GPKOW: variants seen among roughly 807,000 people sequenced by gnomAD.
The protein encoded by GPKOW is G-patch domain and KOW motifs.
For missense variants in GPKOW, 359 were observed against 404.7 expected, an observed-to-expected ratio of 0.89 and a Z score of 0.97; for synonymous variants, 167 against 159.1, an observed-to-expected ratio of 1.05 and a Z score of -0.37.
rs781802883 is a variant in GPKOW, at chrX:49,114,431, G to A, written c.1211-493C>T. Among the ~76,000 whole-genome samples, 5 of 105,742 alleles carry A rather than the reference G, an allele frequency of 4.7e-5. No individual in the cohort carries two copies. The South Asian group carries it at 1.3e-3, about 28-fold the overall frequency. The allele number at this position is 105,742 out of a possible 115,157, so 91.8% of individuals were successfully genotyped here. A position where few individuals can be genotyped will look rare whatever the true frequency, so the allele number is the denominator to read the frequency against. Reference sequence around the variant, plus strand: ...TGGGATTACAGGCATGAGCCACCGCGCCCAGCCTACAAAAAATTTTAAAAT... The same window carrying A: ...TGGGATTACAGGCATGAGCCACCGCACCCAGCCTACAAAAAATTTTAAAAT... On this transcript the variant is annotated intron_variant, in intron 9 of 10. Coordinates refer to ENST00000156109, the MANE Select transcript of GPKOW (RefSeq NM_015698.6).
chrX:49,114,383 C>T (rs1391026546), intron 9 of GPKOW, among the ~76,000 whole-genome samples: 1 of 107,912 alleles, frequency 9.3e-6, no homozygotes, highest in African/African-American at 3.4e-5. Context: ...AGGTGATCCA[C>T]CCTCCTCGGT....
chrX:49,122,441 G>T lies in GPKOW; in HGVS notation c.413C>A (p.Thr138Asn), dbSNP rs964522219. Reference sequence around the variant, plus strand: ...GCTGTCTGCCCCTTCCCCGCTGGGGGTGCATCCTTTCTGGATCATGGGGAT... The same window carrying T: ...GCTGTCTGCCCCTTCCCCGCTGGGGTTGCATCCTTTCTGGATCATGGGGAT... ...LAIPMIQKGC[T>N]PSGEGADSEP... The change falls in exon 3 of 11, where the codon ACC becomes AAC. Residue 138 changes from threonine to asparagine, a missense_variant. Physicochemically the swap from Thr to Asn is moderately conservative, Grantham distance 65. Transcript: ENST00000156109. The T allele has an allele frequency of 2.5e-6, 3 of 1,188,431 alleles. No individual in the cohort carries two copies. The highest frequency in any genetic ancestry group is 2.5e-5 in the Admixed American group (1 of 40,433).
In GPKOW at chrX:49,123,697, A is replaced by C. The variant is rs2065222049; in HGVS notation, c.26T>G (p.Leu9Trp). The change falls in exon 1 of 11, where the codon TTG becomes TGG. Residue 9 changes from leucine (L) to tryptophan (W), a missense_variant. Physicochemically the swap from Leu to Trp is moderately conservative, Grantham distance 61. Coordinates refer to ENST00000156109, the MANE Select transcript of GPKOW (RefSeq NM_015698.6). ...GGCAGTGGAAGCAGCCGTCAGCGGC[A>C]AAACACCCTCTTTGGAGTCAGCCAT... Reference protein sequence around the residue: MADSKEGVLPLTAASTAPI... With the variant: MADSKEGVWPLTAASTAPI... 2 of 1,205,206 alleles carry C rather than the reference A, an allele frequency of 1.7e-6. No individual in the cohort carries two copies. The highest frequency in any genetic ancestry group is 3.5e-5 in the African/African-American group (2 of 57,360).
At chrX:49,117,834 T>C (rs1045607805) in intron 4 of GPKOW, 24 bp from the exon 5 acceptor site, 2 of 1,028,816 alleles carry the variant, frequency 1.9e-6, no homozygotes, top group Non-Finnish European at 2.7e-6. Flanking sequence ...TATGGGTTTG[T>C]TGGAGAGGAT....
chrX:49,114,922 C>CAAAAAAA (rs1169588195), intron 9 of GPKOW, among the ~76,000 whole-genome samples: 2 of 45,588 alleles, frequency 4.4e-5, no homozygotes, highest in African/African-American at 2.5e-4. Context: ...GACTCTGTTT[C>CAAAAAAA]AAAAAAAAAA....
rs782804751 is a variant in GPKOW at position 49,113,669 on chromosome X, G to A, written c.1383C>T (p.Tyr461=). 1.6e-5 allele frequency: 19 copies of A among 1,209,656 alleles called. No homozygotes were observed. Among genetic ancestry groups the A allele is most frequent in the East Asian group, 5.9e-5 (2 of 33,831 alleles). Residue 461 remains tyrosine (Y), a synonymous_variant, in exon 11 of 11, where the codon TAC becomes TAT. Transcript: ENST00000156109. ...PRENQVVELH[Y]DAICQYMGPS... ...GGCCCATGTACTGGCAGATGGCATC[G>A]TAGTGAAGCTCCACCACCTGATTTT... is the stretch of plus-strand genomic sequence containing the variant.
intron 9 of GPKOW, among the ~76,000 whole-genome samples, chrX:49,114,847 C>T (rs1321649227): frequency 3.2e-5 from 3 of 94,271 alleles, no homozygotes; most frequent in African/African-American, 1.3e-4. Context: ...ATAGCTTGAA[C>T]CCGGGAGGCG....
chrX:49,118,583 A>G (rs782541361), intron 4 of GPKOW, among the ~76,000 whole-genome samples: 1 of 107,539 alleles, frequency 9.3e-6, no homozygotes, highest in South Asian at 4.2e-4. Flanking sequence ...TACTAAAAAT[A>G]CAAAAATTAA....
intron 9 of GPKOW, 124 bp from the exon 10 acceptor site, chrX:49,114,062 C>T (rs1483417087): frequency 6.1e-5 from 30 of 488,592 alleles, no homozygotes; most frequent in Non-Finnish European, 1.1e-4. Context: ...CTTTGGGAGG[C>T]TAAGTTGGGA....
intron 4 of GPKOW, among the ~76,000 whole-genome samples, chrX:49,118,431 G>T (rs2065201607): frequency 9.0e-6 from 1 of 110,672 alleles, no homozygotes; most frequent in South Asian, 3.8e-4. Flanking sequence ...CCGAGCAGGA[G>T]AAACCGGATT....
At position 49,122,379 on chromosome X, in the gene GPKOW, G is replaced by A. The variant is rs782798457; in HGVS notation, c.456+19C>T. On this transcript the variant is annotated intron_variant, in intron 3 of 10. Coordinates refer to ENST00000156109, the MANE Select transcript of GPKOW (RefSeq NM_015698.6). ...GCAAAGAAAGGCTGGGGCAGGAGGG[G>A]GACAAGGGGCCAGCTCACTGTCTCT... 5.3e-6 allele frequency: 6 copies of A among 1,123,732 alleles called. No homozygotes were observed. In the South Asian group the frequency reaches 8.6e-5, roughly 16 times the overall value. The allele number at this position is 1,123,732 out of a possible 1,213,427, so 92.6% of individuals were successfully genotyped here. A position where few individuals can be genotyped will look rare whatever the true frequency, so the allele number is the denominator to read the frequency against.
Position 49,113,923 on chromosome X carries a change from A to G in GPKOW, c.1226T>C (p.Met409Thr). The change falls in exon 10 of 11, where the codon ATG becomes ACG. Residue 409 changes from methionine (M) to threonine (T), a missense_variant. By Grantham distance (81) the Met-to-Thr change is moderately conservative. Coordinates refer to ENST00000156109, the MANE Select transcript of GPKOW (RefSeq NM_015698.6). ...GRVLEGLREDMLETLVPKAEG... is the reference protein window; with the variant it reads ...GRVLEGLREDTLETLVPKAEG... ...TGCCTTGGGAACCAGGGTCTCCAGC[A>G]TGTCTTCCCTCAGGCCTATGGATAA... 3.3e-6 allele frequency: 4 copies of G among 1,200,110 alleles called. No homozygotes were observed. Among genetic ancestry groups the G allele is most frequent in the Non-Finnish European group, 4.5e-6 (4 of 885,240 alleles).
rs782790810 is a variant in GPKOW at position 49,113,624 on chromosome X, GTCA to G, written c.1425_1427del (p.Asp476del). On this transcript the variant is annotated inframe_deletion, in exon 11 of 11. Transcript: ENST00000156109. ...GGGATGGGAGGAGTCCCATGGGTCA[GTCA>G]TCATCTGTGTCACTAGGGCCCATGT... 2 of 1,207,646 alleles carry G rather than the reference GTCA, an allele frequency of 1.7e-6. No individual in the cohort carries two copies. Among genetic ancestry groups the G allele is most frequent in the East Asian group, 5.9e-5 (2 of 33,731 alleles).
rs782175171 is a variant in GPKOW at position 49,123,501 on chromosome X, C to G, written c.176+46G>C. On this transcript the variant is annotated intron_variant, in intron 1 of 10. Coordinates refer to ENST00000156109, the MANE Select transcript of GPKOW (RefSeq NM_015698.6). ...AACTGAGATTCCTCCCTCCCGCTTACGCCCACCGCAGAGATTTCCAAGGGG... is the reference window on the plus strand; with the variant it reads ...AACTGAGATTCCTCCCTCCCGCTTAGGCCCACCGCAGAGATTTCCAAGGGG... 7.1e-6 allele frequency: 8 copies of G among 1,123,584 alleles called. No homozygotes were observed. In the Admixed American group the frequency reaches 8.3e-5, roughly 12 times the overall value. The allele number at this position is 1,123,584 out of a possible 1,213,427, so 92.6% of individuals were successfully genotyped here.
chrX:49,115,115 C>T (rs2065187452), intron 9 of GPKOW, among the ~76,000 whole-genome samples: 1 of 109,423 alleles, frequency 9.1e-6, no homozygotes, highest in Non-Finnish European at 1.9e-5. Flanking sequence ...TTATTGTGGG[C>T]ATGTTTTAAC....
At chrX:49,116,116 C>T (rs782492683) in intron 7 of GPKOW, 102 bp from the exon 8 acceptor site, 625 of 1,125,233 alleles carry the variant, frequency 5.6e-4, no homozygotes, top group Non-Finnish European at 7.4e-4. Context: ...AATGCAGTTC[C>T]CCGTTCCTTC....
chrX:49,113,719 G>A lies in GPKOW; in HGVS notation c.1333C>T (p.Arg445Trp), dbSNP rs781825390. The change falls in exon 11 of 11, where the codon CGG becomes TGG. Residue 445 changes from arginine to tryptophan, a missense_variant. By Grantham distance (101) the Arg-to-Trp change is moderately radical. Coordinates refer to ENST00000156109, the MANE Select transcript of GPKOW (RefSeq NM_015698.6). The stretch of plus-strand genomic sequence containing the variant: ...TCTCTTGGCAGTTGCACCAAAGCCC[G>A]GCTCCGTGCTCTGTCCCGGCTCAGC... ...HLLSRDRARS[R>W]ALVQLPRENQ... 2.6e-5 allele frequency: 31 copies of A among 1,205,832 alleles called. No homozygotes were observed. Among genetic ancestry groups the A allele is most frequent in the Middle Eastern group, 4.6e-4 (2 of 4,348 alleles).
Position 49,116,005 on chromosome X carries a change from C to T in GPKOW, c.1026G>A (p.Gly342=). Residue 342 remains glycine (G), a synonymous_variant, in exon 8 of 11, where the codon GGG becomes GGA. Transcript: ENST00000156109. ...KRKHLPDRQD[G]PAAKSEKAAP... ...CTGCTTTCTCACTCTTGGCTGCAGG[C>T]CCATCCTGTCTGTGGAGAAGGTGCC... The T allele has an allele frequency of 8.3e-7, 1 of 1,211,556 alleles. No homozygotes were observed.
At chrX:49,117,253 C>T in intron 5 of GPKOW, 91 bp from the exon 6 acceptor site, 1 of 955,134 alleles carries the variant, frequency 1.0e-6, no homozygotes, top group East Asian at 3.1e-5. Context: ...CTCTAAGAGG[C>T]CTGCTTCCTC....
Sources: gnomAD v4.1 joint callset for allele counts (sites outside exome capture counted in the v4.1 genomes callset) on GRCh38, gnomAD v4.1.1 for gene constraint, MANE v1.5 for transcripts, NCBI Gene and HGNC (gene_info 2026-07-23, HGNC 2026-07-21) for gene names.